Variants in C2CD3 observed in about 807,000 individuals in gnomAD.
C2CD3 encodes the protein C2 domain-containing protein 3.
Under a neutral mutation model 234.0 loss-of-function variants are expected in C2CD3, and 148 were observed. That is an observed-to-expected ratio of 0.63 (90% CI 0.55 to 0.72). The LOEUF is 0.72. C2CD3 is among the 30% of genes least tolerant of loss of function. The probability of loss-of-function intolerance (pLI) is 0.00; values close to 1 mark genes in which losing one functional copy is unlikely to be tolerated. For synonymous variants in C2CD3, 1,000 were observed against 1,035.4 expected, an observed-to-expected ratio of 0.97 and a Z score of 0.66; for missense variants, 2,577 against 2,811.5, an observed-to-expected ratio of 0.92 and a Z score of 1.89.
chr11:74,020,431 C>T (rs2135401320), intron 32 of C2CD3, among the ~76,000 whole-genome samples: 1 of 152,364 alleles, frequency 6.6e-6, no homozygotes, highest in East Asian at 1.9e-4. Context: ...ACTTAAGCCA[C>T]CCCACATGGC....
At chr11:74,162,104 C>T (rs145747640) in intron 2 of C2CD3, among the ~76,000 whole-genome samples, 314 of 152,122 alleles carry the variant, frequency 2.1e-3, no homozygotes, top group African/African-American at 6.9e-3. Flanking sequence ...GTATGAGGCA[C>T]CAAGGCTAGC....
At chr11:74,097,987 TG>T (rs1228249558) in intron 16 of C2CD3, 21 bp downstream of exon 16, 1 of 1,597,402 alleles carries the variant, frequency 6.3e-7, no homozygotes, top group Non-Finnish European at 8.5e-7. Flanking sequence ...AATGACTTTT[TG>T]TAAACCATAG....
rs1330810404 is a variant in C2CD3 at position 74,141,765 on chromosome 11, TAG to T, written c.484-1939_484-1938del. Among the ~76,000 whole-genome samples the T allele has an allele frequency of 3.3e-5, 5 of 151,572 alleles. No homozygotes were observed. The East Asian group carries it at 9.7e-4, about 29-fold the overall frequency. On this transcript the variant is annotated intron_variant, in intron 3 of 32. Coordinates refer to ENST00000334126, the MANE Select transcript of C2CD3 (RefSeq NM_001286577.2). ...ATCCCAGCACTTTGGGAGGCAGGGG[TAG>T]GAGGATTGCTTGAGCCCAGGAATTT...
intron 22 of C2CD3, among the ~76,000 whole-genome samples, chr11:74,082,319 G>A (rs938993042): frequency 4.6e-5 from 7 of 152,020 alleles, no homozygotes; most frequent in African/African-American, 1.7e-4. Context: ...GTTTCACCTT[G>A]TTAGCCAGGA....
chr11:74,059,359 C>A lies in C2CD3; in HGVS notation c.4952-1815G>T, dbSNP rs564246946. Among the ~76,000 whole-genome samples the A allele has an allele frequency of 1.0e-4, 14 of 137,388 alleles. No individual in the cohort carries two copies. The South Asian group carries it at 1.3e-3, about 13-fold the overall frequency. The allele number at this position is 137,388 out of a possible 152,430, so 90.1% of individuals were successfully genotyped here. ...CTGGGAGGCGGAGCTTGCAGTGAGC[C>A]GAGATTGCACCACTGCACTCCAGCC... On this transcript the variant is annotated intron_variant, in intron 24 of 32. Transcript: ENST00000334126.
rs149269317 is a variant in C2CD3, at chr11:74,114,103, T to C, written c.1731-211A>G. On this transcript the variant is annotated intron_variant, in intron 10 of 32. Coordinates refer to ENST00000334126, the MANE Select transcript of C2CD3 (RefSeq NM_001286577.2). ...CAGCAATTTTAATACAAAACATCTA[T>C]TTTGGGCCCTAAAGCTTTATGTTAT... Among the ~76,000 whole-genome samples the C allele has an allele frequency of 0.012, 1,857 of 152,262 alleles. 19 individuals carry two copies. Among genetic ancestry groups the C allele is most frequent in the Non-Finnish European group, 0.021 (1,424 of 68,010 alleles).
chr11:74,020,798 G>A (rs1396463309), intron 32 of C2CD3, among the ~76,000 whole-genome samples: 1 of 152,156 alleles, frequency 6.6e-6, no homozygotes, highest in African/African-American at 2.4e-5. Flanking sequence ...CTATCCTCAG[G>A]CCCAGCTCTA....
At position 74,114,506 on chromosome 11, in the gene C2CD3, A is replaced by C. The variant is rs1590843019; in HGVS notation, c.1608T>G (p.Gly536=). Residue 536 remains glycine, a synonymous_variant, in exon 10 of 33, where the codon GGT becomes GGG. Transcript: ENST00000334126. ...TLSVDRLALL[G]RTHSVRIIIE... is the part of the protein sequence containing the mutation. ...TGATGATTCTGACTGAATGTGTTCT[A>C]CCCAAAAGGGCCAGTCTATCCACAC... 6.2e-7 allele frequency: 1 copy of C among 1,613,602 alleles called. No homozygotes were observed. Among genetic ancestry groups the C allele is most frequent in the Admixed American group, 1.7e-5 (1 of 60,008 alleles).
At chr11:74,024,045 T>C (rs1433951383) in intron 32 of C2CD3, among the ~76,000 whole-genome samples, 3 of 152,186 alleles carry the variant, frequency 2.0e-5, no homozygotes, top group Non-Finnish European at 2.9e-5. Flanking sequence ...ATCTTTATGT[T>C]CCTCCTCCCC....
rs759588240 is a variant in C2CD3, at chr11:74,078,563, C to G, written c.4155G>C (p.Leu1385Phe). Residue 1385 changes from leucine (L) to phenylalanine (F), a missense_variant, in exon 23 of 33, where the codon TTG becomes TTC. Leu to Phe is a conservative substitution (Grantham distance 22, BLOSUM62 0). Coordinates refer to ENST00000334126, the MANE Select transcript of C2CD3 (RefSeq NM_001286577.2). ...TCAGGCTGTTCTCAAAGCTCCAGCC[C>G]AAATGCTCAGCAGCTTCCAACACCC... ...RERVLEAAEH[L>F]GWSFENSLKD... The G allele has an allele frequency of 1.2e-6, 2 of 1,614,120 alleles. No homozygotes were observed. The highest frequency in any genetic ancestry group is 1.7e-6 in the Non-Finnish European group (2 of 1,180,018).
At chr11:74,074,175 A>G (rs1954923800) in intron 24 of C2CD3, 78 bp downstream of exon 24, 1 of 977,738 alleles carries the variant, frequency 1.0e-6, no homozygotes, top group Non-Finnish European at 1.5e-6. Flanking sequence ...AGATCCTGCC[A>G]TGATTTGAAA....
chr11:74,161,450 A>T lies in C2CD3; in HGVS notation c.432T>A (p.Asn144Lys). 1 of 1,600,416 alleles carries T rather than the reference A, an allele frequency of 6.2e-7. No individual in the cohort carries two copies. Among genetic ancestry groups the T allele is most frequent in the Non-Finnish European group, 8.5e-7 (1 of 1,172,894 alleles). Residue 144 changes from asparagine to lysine, a missense_variant, in exon 3 of 33, where the codon AAT (asparagine) becomes AAA (lysine). Asn to Lys is a moderately conservative substitution (Grantham distance 94, BLOSUM62 0). Coordinates refer to ENST00000334126, the MANE Select transcript of C2CD3 (RefSeq NM_001286577.2). The stretch of plus-strand genomic sequence containing the variant: ...TTGATGAAACAATGGTAAAAAATCC[A>T]TTGATTTGATGGGTTGGAGAAAGTT... The part of the protein sequence containing the change: ...LAQLSPTHQI[N>K]GFFTIVSSTS...
At chr11:74,031,618 G>A (rs1366054679) in intron 31 of C2CD3, among the ~76,000 whole-genome samples, 1 of 152,126 alleles carries the variant, frequency 6.6e-6, no homozygotes, top group Non-Finnish European at 1.5e-5. Context: ...CTATCTACTT[G>A]ACTGTCTCCT....
intron 8 of C2CD3, among the ~76,000 whole-genome samples, chr11:74,120,395 G>T (rs1447163115): frequency 6.6e-6 from 1 of 152,122 alleles, no homozygotes; most frequent in Admixed American, 6.6e-5. Flanking sequence ...TTCTGTCCTT[G>T]TGATAGCTTG....
intron 21 of C2CD3, 110 bp from the exon 22 acceptor site, chr11:74,085,080 G>A (rs1258474121): frequency 5.1e-6 from 3 of 585,088 alleles, no homozygotes; most frequent in East Asian, 2.9e-5. Flanking sequence ...TCTTAGTTTT[G>A]TAAAATGCAT....
rs1957144892 is a variant in C2CD3 at position 74,119,627 on chromosome 11, C to T, written c.1366-1245G>A. Reference sequence around the variant, plus strand: ...CATGATAAGAATGTCTTCTTGGAAGCAATACAACTTTTTTTTTTTTTTTTT... The same window carrying T: ...CATGATAAGAATGTCTTCTTGGAAGTAATACAACTTTTTTTTTTTTTTTTT... On this transcript the variant is annotated intron_variant, in intron 8 of 32. Transcript: ENST00000334126. 2.0e-5 allele frequency among the ~76,000 whole-genome samples: 3 copies of T among 149,552 alleles called. No individual in the cohort carries two copies. The South Asian group carries it at 6.3e-4, about 32-fold the overall frequency.
intron 3 of C2CD3, among the ~76,000 whole-genome samples, chr11:74,147,016 G>A (rs1590936380): frequency 5.3e-5 from 8 of 151,608 alleles, no homozygotes; most frequent in Admixed American, 4.6e-4. Flanking sequence ...GTGCCACTGC[G>A]CTCCAGCCTG....
intron 22 of C2CD3, among the ~76,000 whole-genome samples, chr11:74,084,522 C>T (rs1033751926): frequency 2.3e-4 from 35 of 151,968 alleles, no homozygotes; most frequent in African/African-American, 5.8e-4. Flanking sequence ...GTGATCTGCC[C>T]GCCTTGGCTT....
Position 74,090,860 on chromosome 11 carries a change from G to A in C2CD3, c.3594C>T (p.Ser1198=), listed in dbSNP as rs753050901. ...AEGVLAARTV[S]ISVQIIRACG... Reference sequence around the variant, plus strand: ...AGGCTCTGATAATCTGGACTGAGATGGAAACAGTTCGGGCAGCAAGAACTC... The same window carrying A: ...AGGCTCTGATAATCTGGACTGAGATAGAAACAGTTCGGGCAGCAAGAACTC... Residue 1198 remains serine, a synonymous_variant, in exon 20 of 33, where the codon TCC becomes TCT. Coordinates refer to ENST00000334126, the MANE Select transcript of C2CD3 (RefSeq NM_001286577.2). 6.2e-7 allele frequency: 1 copy of A among 1,614,070 alleles called. No homozygotes were observed. The highest frequency in any genetic ancestry group is 1.1e-5 in the South Asian group (1 of 91,082).
Sources: allele counts gnomAD v4.1 joint callset (sites outside exome capture counted in the v4.1 genomes callset), GRCh38; gene constraint gnomAD v4.1.1; transcripts MANE v1.5; gene names NCBI Gene and HGNC (gene_info 2026-07-23, HGNC 2026-07-21).